Variants in VSIR observed in about 807,000 individuals in gnomAD.
VSIR encodes V-type immunoglobulin domain-containing suppressor of T-cell activation.
VSIR carries 10 observed loss-of-function variants against 31.0 expected under a neutral mutation model. The observed-to-expected ratio is 0.32, with a 90% confidence interval of 0.20 to 0.55. VSIR has a LOEUF of 0.55. VSIR is among the 20% of genes least tolerant of loss of function. The pLI is 0.93. For synonymous variants in VSIR, 179 were observed against 180.1 expected, an observed-to-expected ratio of 0.99 and a Z score of 0.05; for missense variants, 356 against 416.2, an observed-to-expected ratio of 0.86 and a Z score of 1.26.
In VSIR at chr10:71,751,924, G is replaced by A. The variant is rs1282168373; in HGVS notation, c.705-63C>T. On this transcript the variant is annotated intron_variant, in intron 5 of 6. Coordinates refer to ENST00000394957, the MANE Select transcript of VSIR (RefSeq NM_022153.2). The surrounding 1 kb of genome is among the most constrained non-coding windows in gnomAD (Gnocchi z 4.9). ...CCGGAGCGTGAACTCTGCCCTCCCT[G>A]CCCCCAGTTTTTCTCTCCTCCCTTT... The A allele has an allele frequency of 6.1e-6, 9 of 1,482,778 alleles. No homozygotes were observed. The highest frequency in any genetic ancestry group is 1.3e-5 in the South Asian group (1 of 77,930). 91.9% of individuals were successfully genotyped at this position (1,482,778 alleles called of 1,614,324 possible).
intron 3 of VSIR, among the ~76,000 whole-genome samples, chr10:71,758,205 G>A (rs559382579): frequency 6.6e-6 from 1 of 152,036 alleles, no homozygotes; most frequent in African/African-American, 2.4e-5. Context: ...TTGTTGGTTT[G>A]AAAAAAGGGT....
At chr10:71,761,455 C>A in intron 2 of VSIR, 143 bp downstream of exon 2, 1 of 1,006,044 alleles carries the variant, frequency 9.9e-7, no homozygotes, top group Non-Finnish European at 1.4e-6. Context: ...CCTTGACCAC[C>A]CCATCTCACC....
At chr10:71,752,828 C>T in intron 5 of VSIR, 147 bp downstream of exon 5, 1 of 980,138 alleles carries the variant, frequency 1.0e-6, no homozygotes, top group South Asian at 1.8e-5. Flanking sequence ...CCAATCTGCA[C>T]AGATGTGCAG....
intron 1 of VSIR, among the ~76,000 whole-genome samples, chr10:71,766,074 C>T (rs1263350034): frequency 1.3e-5 from 2 of 152,226 alleles, no homozygotes; most frequent in African/African-American, 4.8e-5. Flanking sequence ...ACGTGCCCCG[C>T]GGACTCCACA....
chr10:71,765,760 A>G (rs573701329), intron 1 of VSIR, among the ~76,000 whole-genome samples: 3 of 152,002 alleles, frequency 2.0e-5, no homozygotes, highest in Non-Finnish European at 2.9e-5. Context: ...CACAGGTCCC[A>G]AAGGAGTTGT....
rs541522175 is a variant in VSIR, at chr10:71,759,679, C to T, written c.568+1189G>A. ...AAAATTAGCCAGGCATTGTGGTGCA[C>T]GCCTGTAATCTCATCCTAGCTACTC... On this transcript the variant is annotated intron_variant, in intron 3 of 6. Coordinates refer to ENST00000394957, the MANE Select transcript of VSIR (RefSeq NM_022153.2). Among the ~76,000 whole-genome samples, 9 of 151,642 alleles carry T rather than the reference C, an allele frequency of 5.9e-5. No homozygotes were observed. The South Asian group carries it at 8.3e-4, about 14-fold the overall frequency.
rs1258105680 is a variant in VSIR at position 71,773,476 on chromosome 10, G to A, written c.-37C>T. 3 of 1,554,712 alleles carry A rather than the reference G, an allele frequency of 1.9e-6. No homozygotes were observed. Among genetic ancestry groups the A allele is most frequent in the Non-Finnish European group, 2.6e-6 (3 of 1,146,476 alleles). On this transcript the variant is annotated 5_prime_UTR_variant, in exon 1 of 7. Coordinates refer to ENST00000394957, the MANE Select transcript of VSIR (RefSeq NM_022153.2). ...ACGCGCAGAGGAACTTCTGGTGCCG[G>A]GGAGCGGGCGGGACGCGGCCGGCGC...
chr10:71,765,067 G>C (rs1284284456), intron 1 of VSIR, among the ~76,000 whole-genome samples: 1 of 152,210 alleles, frequency 6.6e-6, no homozygotes, highest in African/African-American at 2.4e-5. Context: ...CAGAAGTGAG[G>C]AGGACCTAGG....
At position 71,750,009 on chromosome 10, in the gene VSIR, T is replaced by C. The variant is rs748505; in HGVS notation, c.*1244A>G. 0.32 allele frequency: 49,361 copies of C among 152,060 alleles called. 9,183 individuals are homozygous for C. The highest frequency in any genetic ancestry group is 0.51 in the African/African-American group (21,104 of 41,280). The allele number at this position is 152,060 out of a possible 1,614,324, so 9.4% of individuals were successfully genotyped here. ...GGTCTGCCCAGCCCCACCTCACCTGTCCCCATGCTCAGGCACTGCCTTCCC... is the reference window on the plus strand; with the variant it reads ...GGTCTGCCCAGCCCCACCTCACCTGCCCCCATGCTCAGGCACTGCCTTCCC... On this transcript the variant is annotated 3_prime_UTR_variant, in exon 7 of 7. Transcript: ENST00000394957.
chr10:71,755,507 C>T (rs771008959), intron 3 of VSIR, 41 bp from the exon 4 acceptor site: 2 of 1,550,332 alleles, frequency 1.3e-6, no homozygotes, highest in African/African-American at 2.7e-5. Context: ...GCCCCATTCC[C>T]ATTGCTCCTC....
chr10:71,767,788 G>A (rs149806408), intron 1 of VSIR, among the ~76,000 whole-genome samples: 35 of 152,368 alleles, frequency 2.3e-4, no homozygotes, highest in South Asian at 4.1e-4. Flanking sequence ...CCCGCAGGAA[G>A]TGTCCATTCA....
At position 71,773,517 on chromosome 10, in the gene VSIR, G is replaced by A. The variant is rs1349947490; in HGVS notation, c.-78C>T. On this transcript the variant is annotated 5_prime_UTR_variant, in exon 1 of 7. Coordinates refer to ENST00000394957, the MANE Select transcript of VSIR (RefSeq NM_022153.2). ...CGGCCGGCGCGGGGAAGCCTCCCGC[G>A]ACTGAGTGCGAGCGAGTGAGCGCTG... 4.0e-5 allele frequency: 56 copies of A among 1,400,060 alleles called. No individual in the cohort carries two copies. Among genetic ancestry groups the A allele is most frequent in the African/African-American group, 5.8e-5 (4 of 69,474 alleles). 86.7% of individuals were successfully genotyped at this position (1,400,060 alleles called of 1,614,324 possible). A position where few individuals can be genotyped will look rare whatever the true frequency, so the allele number is the denominator to read the frequency against.
At chr10:71,761,410 C>T (rs1437133542) in intron 2 of VSIR, among the ~76,000 whole-genome samples, 188 bp downstream of exon 2, 1 of 152,160 alleles carries the variant, frequency 6.6e-6, no homozygotes, top group Non-Finnish European at 1.5e-5. Context: ...CCCTCTCCAT[C>T]ACTCCAGCTA....
chr10:71,766,746 A>C (rs1465992228), intron 1 of VSIR, among the ~76,000 whole-genome samples: 4 of 152,142 alleles, frequency 2.6e-5, no homozygotes, highest in African/African-American at 9.7e-5. Context: ...CAGAGAAGTG[A>C]CTTGCCCAAG....
Position 71,751,741 on chromosome 10 carries a change from C to T in VSIR, c.825G>A (p.Gly275=), listed in dbSNP as rs1840009113. 1 of 1,599,756 alleles carries T rather than the reference C, an allele frequency of 6.3e-7. No homozygotes were observed. Among genetic ancestry groups the T allele is most frequent in the East Asian group, 2.2e-5 (1 of 44,620 alleles). Residue 275 remains glycine (G), a synonymous_variant, in exon 6 of 7, where the codon GGG becomes GGA. Transcript: ENST00000394957. This position sits in a 1 kb window ranked among gnomAD's most constrained non-coding sequence, Gnocchi z 4.9. ...TGCTGGGCTCCGAAAGCAGATGCCG[C>T]CCAGACTCAGAAGGCTGCCGCTGGG... The part of the protein sequence containing the change: ...YVAQRQPSES[G]RHLLSEPSTP...
chr10:71,765,969 G>A (rs1347557557), intron 1 of VSIR, among the ~76,000 whole-genome samples: 1 of 152,160 alleles, frequency 6.6e-6, no homozygotes, highest in Admixed American at 6.5e-5. Flanking sequence ...TGAGACTCCA[G>A]CTGGGACAAG....
At position 71,760,074 on chromosome 10, in the gene VSIR, T is replaced by C. The variant is rs573898690; in HGVS notation, c.568+794A>G. Among the ~76,000 whole-genome samples, 42 of 136,552 alleles carry C rather than the reference T, an allele frequency of 3.1e-4. 6 individuals carry two copies. Among genetic ancestry groups the C allele is most frequent in the African/African-American group, 1.1e-3 (41 of 36,338 alleles). The allele number at this position is 136,552 out of a possible 152,430, so 89.6% of individuals were successfully genotyped here. A position where few individuals can be genotyped will look rare whatever the true frequency, so the allele number is the denominator to read the frequency against. ...ACACACATATATATACACACACACA[T>C]ATATATACACACACATATACACACA... On this transcript the variant is annotated intron_variant, in intron 3 of 6. Transcript: ENST00000394957.
intron 1 of VSIR, among the ~76,000 whole-genome samples, chr10:71,763,624 C>T (rs1355873010): frequency 6.6e-6 from 1 of 152,212 alleles, no homozygotes; most frequent in African/African-American, 2.4e-5. Flanking sequence ...GCCACTTAGA[C>T]GCTGAGCCCC....
At chr10:71,766,316 G>A (rs1325061723) in intron 1 of VSIR, among the ~76,000 whole-genome samples, 2 of 152,160 alleles carry the variant, frequency 1.3e-5, no homozygotes, top group Non-Finnish European at 2.9e-5. Flanking sequence ...TGCCAGGCGG[G>A]AACCGTCCAG....
Sources: allele counts gnomAD v4.1 joint callset (sites outside exome capture counted in the v4.1 genomes callset), GRCh38; gene constraint gnomAD v4.1.1; non-coding constraint Gnocchi (gnomAD v3.1); transcripts MANE v1.5; gene names NCBI Gene and HGNC (gene_info 2026-07-23, HGNC 2026-07-21).